UNC5D: variants seen among roughly 807,000 people sequenced by gnomAD.
The protein encoded by UNC5D is netrin receptor UNC5D.
A neutral mutation model predicts 105.4 loss-of-function variants in UNC5D; 39 were observed. That is an observed-to-expected ratio of 0.37 (90% CI 0.29 to 0.48). The LOEUF (loss-of-function observed/expected upper bound fraction) is 0.48, where lower values mean the gene tolerates loss of function less well. Among genes scored for constraint, UNC5D ranks in the 20% least tolerant of loss-of-function variants. The pLI is 0.98. For synonymous variants in UNC5D, 452 were observed against 450.4 expected, an observed-to-expected ratio of 1.00 and a Z score of -0.04; for missense variants, 991 against 1,202.4, an observed-to-expected ratio of 0.82 and a Z score of 2.60.
At chr8:35,505,741 A>G (rs1424577460) in intron 1 of UNC5D, among the ~76,000 whole-genome samples, 3 of 152,156 alleles carry the variant, frequency 2.0e-5, no homozygotes, top group Non-Finnish European at 4.4e-5. Flanking sequence ...AGATGGTTTT[A>G]TTTTTAAACC....
chr8:35,442,386 T>C (rs1021084258), intron 1 of UNC5D, among the ~76,000 whole-genome samples: 1 of 151,858 alleles, frequency 6.6e-6, no homozygotes, highest in African/African-American at 2.4e-5. Flanking sequence ...GCTCCCAGCA[T>C]GTATGAAAGA....
intron 1 of UNC5D, among the ~76,000 whole-genome samples, chr8:35,358,063 C>T (rs1209691037): frequency 6.6e-6 from 1 of 152,124 alleles, no homozygotes; most frequent in Non-Finnish European, 1.5e-5. Flanking sequence ...TCTCCTGCCC[C>T]CAGATCTTTG....
At chr8:35,576,354 A>C (rs1337236102) in intron 3 of UNC5D, among the ~76,000 whole-genome samples, 1 of 152,180 alleles carries the variant, frequency 6.6e-6, no homozygotes, top group Non-Finnish European at 1.5e-5. Context: ...AAACTGTCTG[A>C]TGTTGAATTG....
intron 1 of UNC5D, among the ~76,000 whole-genome samples, chr8:35,482,533 A>AC (rs1810548356): frequency 6.6e-6 from 1 of 152,168 alleles, no homozygotes. Flanking sequence ...CAGTTGACGA[A>AC]CCACTGAAAA....
At chr8:35,537,198 T>C (rs982261642) in intron 1 of UNC5D, among the ~76,000 whole-genome samples, 15 of 152,062 alleles carry the variant, frequency 9.9e-5, no homozygotes, top group African/African-American at 3.6e-4. Flanking sequence ...TAAACAAAAA[T>C]AGTAGAAAAA....
At chr8:35,241,110 C>T (rs1232681637) in intron 1 of UNC5D, among the ~76,000 whole-genome samples, 1 of 152,188 alleles carries the variant, frequency 6.6e-6, no homozygotes, top group Non-Finnish European at 1.5e-5. Flanking sequence ...ACACCAGAGG[C>T]TGCTGTTTCT....
chr8:35,436,585 A>G (rs983209061), intron 1 of UNC5D, among the ~76,000 whole-genome samples: 1 of 152,054 alleles, frequency 6.6e-6, no homozygotes, highest in Non-Finnish European at 1.5e-5. Flanking sequence ...GTTGGCATTC[A>G]GTTGGGTCAG....
chr8:35,466,730 G>C (rs1809332976), intron 1 of UNC5D, among the ~76,000 whole-genome samples: 1 of 152,098 alleles, frequency 6.6e-6, no homozygotes, highest in African/African-American at 2.4e-5. Context: ...CATATTTTAT[G>C]TAATGAGAAT....
intron 4 of UNC5D, among the ~76,000 whole-genome samples, chr8:35,622,768 T>G (rs1821438214): frequency 6.6e-6 from 1 of 152,164 alleles, no homozygotes; most frequent in Non-Finnish European, 1.5e-5. Context: ...TGTAATATGT[T>G]GTTGAAGTGA....
intron 1 of UNC5D, among the ~76,000 whole-genome samples, chr8:35,281,892 T>C (rs1357417585): frequency 6.6e-6 from 1 of 152,198 alleles, no homozygotes; most frequent in Admixed American, 6.5e-5. Context: ...TCCTTTTTGC[T>C]TTTACATTTT....
At chr8:35,572,275 C>CAAAAAAAAAAAAAAAA (rs58478029) in intron 3 of UNC5D, among the ~76,000 whole-genome samples, 1 of 72,476 alleles carries the variant, frequency 1.4e-5, no homozygotes, top group Non-Finnish European at 2.4e-5. Flanking sequence ...GCGAGACTGT[C>CAAAAAAAAAAAAAAAA]AAAAAAAAAA....
chr8:35,388,525 A>G (rs1208597446), intron 1 of UNC5D, among the ~76,000 whole-genome samples: 1 of 152,202 alleles, frequency 6.6e-6, no homozygotes, highest in Non-Finnish European at 1.5e-5. Context: ...AAAGGTTTAG[A>G]TGAAAAAGTT....
chr8:35,595,697 G>A (rs1447883514), intron 4 of UNC5D, 40 bp downstream of exon 4: 3 of 1,589,160 alleles, frequency 1.9e-6, no homozygotes, highest in East Asian at 2.2e-5. Context: ...GGAGGAACCA[G>A]GCCTGTTCCC....
chr8:35,362,170 G>A (rs1801890857), intron 1 of UNC5D, among the ~76,000 whole-genome samples: 1 of 152,102 alleles, frequency 6.6e-6, no homozygotes, highest in African/African-American at 2.4e-5. Flanking sequence ...GAGGAATTTT[G>A]CTAAAAATAA....
chr8:35,274,281 G>A (rs932367923), intron 1 of UNC5D, among the ~76,000 whole-genome samples: 1 of 152,110 alleles, frequency 6.6e-6, no homozygotes, highest in African/African-American at 2.4e-5. Context: ...GAGTGAAATG[G>A]TTTCTTCAGA....
intron 1 of UNC5D, among the ~76,000 whole-genome samples, chr8:35,238,866 T>C (rs1437024351): frequency 6.6e-6 from 1 of 152,196 alleles, no homozygotes; most frequent in Non-Finnish European, 1.5e-5. Flanking sequence ...CGTCTATCTG[T>C]CTAGCTCATA....
intron 1 of UNC5D, among the ~76,000 whole-genome samples, chr8:35,426,869 G>C (rs1312771648): frequency 6.6e-6 from 1 of 152,102 alleles, no homozygotes; most frequent in Admixed American, 6.5e-5. Flanking sequence ...CTCTAGGGTA[G>C]TCACCCAGTG....
chr8:35,579,587 A>G (rs896107032), intron 3 of UNC5D, among the ~76,000 whole-genome samples: 1 of 152,132 alleles, frequency 6.6e-6, no homozygotes, highest in Non-Finnish European at 1.5e-5. Context: ...TGAGCATTCC[A>G]AGTAAAGGAA....
intron 8 of UNC5D, among the ~76,000 whole-genome samples, chr8:35,711,032 G>A (rs1316176364): frequency 9.6e-5 from 12 of 124,730 alleles, no homozygotes; most frequent in Non-Finnish European, 1.3e-4. Flanking sequence ...TCTGCCTCCC[G>A]GGTTCACGCC....
Sources: allele counts gnomAD v4.1 joint callset (sites outside exome capture counted in the v4.1 genomes callset), GRCh38; gene constraint gnomAD v4.1.1; transcripts MANE v1.5; gene names NCBI Gene and HGNC (gene_info 2026-07-23, HGNC 2026-07-21).